MYO1E: variants seen among roughly 807,000 people sequenced by gnomAD.
The protein encoded by MYO1E is unconventional myosin-Ie.
Under a neutral mutation model 151.1 loss-of-function variants are expected in MYO1E, and 68 were observed. That is an observed-to-expected ratio of 0.45 (90% CI 0.37 to 0.55). The LOEUF is 0.55. MYO1E is among the 20% of genes least tolerant of loss of function. The pLI is 0.00. For synonymous variants in MYO1E, 601 were observed against 501.7 expected (o/e 1.20, Z -2.64); for missense variants, 1,363 against 1,389.3 (o/e 0.98, Z 0.30).
rs920100271 is a variant in MYO1E at position 59,136,683 on chromosome 15, A to G, written c.*697T>C. ...AGATCCTTCTTGTAGTAAGTACAGC[A>G]TTTAAACACAAACCAATATGGGCCA... On this transcript the variant is annotated 3_prime_UTR_variant, in exon 28 of 28. Coordinates refer to ENST00000288235, the MANE Select transcript of MYO1E (RefSeq NM_004998.4). 7 of 456,406 alleles carry G rather than the reference A, an allele frequency of 1.5e-5. No homozygotes were observed. The highest frequency in any genetic ancestry group is 1.2e-4 in the Admixed American group (5 of 42,556). 28.3% of individuals were successfully genotyped at this position (456,406 alleles called of 1,614,324 possible).
intron 18 of MYO1E, among the ~76,000 whole-genome samples, chr15:59,183,018 T>G (rs933014934): frequency 2.0e-5 from 3 of 152,194 alleles, no homozygotes; most frequent in African/African-American, 7.2e-5. Context: ...GAGAATCTAA[T>G]GCCACCGCTG....
At chr15:59,277,564 A>AAAAAAAAAAAAAAAAAAAAAAAAAAC (rs1555416379) in intron 1 of MYO1E, among the ~76,000 whole-genome samples, 5 of 139,790 alleles carry the variant, frequency 3.6e-5, no homozygotes, top group African/African-American at 1.1e-4. Flanking sequence ...AAAAAAAAAA[A>AAAAAAAAAAAAAAAAAAAAAAAAAAC]AAAAAAAAAC....
intron 22 of MYO1E, among the ~76,000 whole-genome samples, chr15:59,167,930 C>T (rs935902895): frequency 2.6e-5 from 4 of 152,088 alleles, no homozygotes; most frequent in African/African-American, 9.7e-5. Context: ...CGGCTCGCCT[C>T]GGCCTCCCAA....
At chr15:59,191,010 T>A (rs1015149977) in intron 17 of MYO1E, among the ~76,000 whole-genome samples, 1 of 151,886 alleles carries the variant, frequency 6.6e-6, no homozygotes, top group African/African-American at 2.4e-5. Flanking sequence ...GGGGGACAGA[T>A]GAAGCTCGAA....
intron 25 of MYO1E, among the ~76,000 whole-genome samples, chr15:59,157,378 A>G (rs548312982): frequency 4.6e-5 from 7 of 152,314 alleles, no homozygotes; most frequent in African/African-American, 9.6e-5. Flanking sequence ...TTAAGCTGCT[A>G]TAACTTACAA....
At chr15:59,341,466 A>G (rs749371398) in intron 1 of MYO1E, 2 of 152,118 alleles carry the variant, frequency 1.3e-5, no homozygotes, top group Admixed American at 6.5e-5. Context: ...ATTTCTTTGT[A>G]CCCATTAACC....
Position 59,208,836 on chromosome 15 carries a change from T to A in MYO1E, c.1375A>T (p.Ile459Phe), listed in dbSNP as rs760663511. The A allele has an allele frequency of 1.2e-6, 2 of 1,614,222 alleles. No individual in the cohort carries two copies. The highest frequency in any genetic ancestry group is 1.7e-6 in the Non-Finnish European group (2 of 1,180,046). Residue 459 changes from isoleucine to phenylalanine, a missense_variant, in exon 14 of 28, where the codon ATC becomes TTC. Physicochemically the swap from Ile to Phe is conservative, Grantham distance 21 (BLOSUM62 0). Coordinates refer to ENST00000288235, the MANE Select transcript of MYO1E (RefSeq NM_004998.4). ...LIENKVNPPG[I>F]MSILDDVCAT... ...CACACGTCATCCAGGATGCTCATGA[T>A]GCCAGGAGGGTTCTGATGGGAGCAA... is the stretch of plus-strand genomic sequence containing the variant.
intron 1 of MYO1E, among the ~76,000 whole-genome samples, chr15:59,354,861 A>T (rs555292375): frequency 6.6e-6 from 1 of 152,256 alleles, no homozygotes; most frequent in Non-Finnish European, 1.5e-5. Context: ...GCTTCCCTCC[A>T]CAGCTACCCC....
chr15:59,370,190 T>A (rs1259702219), intron 1 of MYO1E, among the ~76,000 whole-genome samples: 2 of 152,230 alleles, frequency 1.3e-5, no homozygotes, highest in African/African-American at 2.4e-5. Context: ...TTTCCCTTCC[T>A]GTTCTAAGCA....
At chr15:59,338,553 C>G (rs1227533335) in intron 1 of MYO1E, among the ~76,000 whole-genome samples, 1 of 152,198 alleles carries the variant, frequency 6.6e-6, no homozygotes, top group Non-Finnish European at 1.5e-5. Context: ...AAGATGTCCT[C>G]AGTGCTGAGC....
At chr15:59,201,465 C>T (rs551541545) in intron 16 of MYO1E, among the ~76,000 whole-genome samples, 2 of 147,898 alleles carry the variant, frequency 1.4e-5, no homozygotes, top group Non-Finnish European at 1.5e-5. Flanking sequence ...AGTGCAATCG[C>T]GCAATCTTGG....
chr15:59,221,473 G>A (rs2079956089), intron 9 of MYO1E, among the ~76,000 whole-genome samples: 1 of 152,138 alleles, frequency 6.6e-6, no homozygotes, highest in South Asian at 2.1e-4. Context: ...TCTGACGAGG[G>A]GAACAAGTGG....
chr15:59,144,681 G>A lies in MYO1E; in HGVS notation c.3081-6314C>T, dbSNP rs867380442. On this transcript the variant is annotated intron_variant, in intron 26 of 27. Transcript: ENST00000288235. ...ACAGGAAATCTGTGTCAACGAAGCC[G>A]TCACAATCTCTACGATTCACCAGAC... is the stretch of plus-strand genomic sequence containing the variant. 5.3e-5 allele frequency among the ~76,000 whole-genome samples: 8 copies of A among 152,246 alleles called. No homozygotes were observed. The Middle Eastern group carries it at 0.01, about 194-fold the overall frequency.
intron 1 of MYO1E, chr15:59,341,435 T>C (rs780044408): frequency 3.3e-5 from 5 of 152,182 alleles, no homozygotes; most frequent in African/African-American, 1.2e-4. Context: ...CTAGCTCTTA[T>C]TCATTCTATT....
intron 1 of MYO1E, among the ~76,000 whole-genome samples, chr15:59,365,064 G>A (rs1484456766): frequency 6.6e-6 from 1 of 151,492 alleles, no homozygotes; most frequent in Non-Finnish European, 1.5e-5. Flanking sequence ...ATGTGCCCCA[G>A]GCTGTAGTGC....
chr15:59,358,017 T>C (rs995779352), intron 1 of MYO1E, among the ~76,000 whole-genome samples: 1 of 152,196 alleles, frequency 6.6e-6, no homozygotes, highest in South Asian at 2.1e-4. Flanking sequence ...AATTGGAGCA[T>C]ATAAAATTCA....
chr15:59,302,287 G>A (rs1367548796), intron 1 of MYO1E, among the ~76,000 whole-genome samples: 1 of 152,034 alleles, frequency 6.6e-6, no homozygotes, highest in Non-Finnish European at 1.5e-5. Context: ...TGAGAAAAAA[G>A]GCACCCCAAA....
At chr15:59,194,270 C>A (rs1227052415) in intron 17 of MYO1E, among the ~76,000 whole-genome samples, 1 of 152,134 alleles carries the variant, frequency 6.6e-6, no homozygotes, top group African/African-American at 2.4e-5. Flanking sequence ...ATCCAAGCAG[C>A]CTGGCTTCTT....
chr15:59,324,573 T>C (rs1178011961), intron 1 of MYO1E, among the ~76,000 whole-genome samples: 6 of 151,944 alleles, frequency 3.9e-5, no homozygotes, highest in Non-Finnish European at 5.9e-5. Flanking sequence ...TGCTGCCAGA[T>C]AGAGCTCCTC....
Sources: gnomAD v4.1 joint callset for allele counts (sites outside exome capture counted in the v4.1 genomes callset) on GRCh38, gnomAD v4.1.1 for gene constraint, MANE v1.5 for transcripts, NCBI Gene and HGNC (gene_info 2026-07-23, HGNC 2026-07-21) for gene names.